Variants in DIAPH2 observed in about 807,000 individuals in gnomAD.
The protein encoded by DIAPH2 is diaphanous related formin 2, also known as protein diaphanous homolog 2.
Under a neutral mutation model 92.7 loss-of-function variants are expected in DIAPH2, and 35 were observed. That is an observed-to-expected ratio of 0.38 (90% CI 0.29 to 0.50). The LOEUF is 0.50. DIAPH2 is among the 20% of genes least tolerant of loss of function. The pLI is 0.94. For missense variants in DIAPH2, 701 were observed against 819.5 expected (o/e 0.86, Z 1.77); for synonymous variants, 301 against 280.4 (o/e 1.07, Z -0.73).
At chrX:96,938,979 T>G (rs1477322549) in intron 11 of DIAPH2, among the ~76,000 whole-genome samples, 12 of 111,676 alleles carry the variant, frequency 1.1e-4, no homozygotes, top group Non-Finnish European at 2.3e-4. Context: ...GTTCCAATGG[T>G]ACCAGCTATA....
At chrX:97,286,623 G>A (rs1157163179) in intron 23 of DIAPH2, among the ~76,000 whole-genome samples, 1 of 111,210 alleles carries the variant, frequency 9.0e-6, no homozygotes, top group Non-Finnish European at 1.9e-5. Context: ...GGCGGAGTAC[G>A]CCTGAACTCC....
intron 26 of DIAPH2, chrX:97,449,670 A>C: frequency 2.7e-6 from 2 of 751,297 alleles, no homozygotes; most frequent in Non-Finnish European, 3.1e-6. Flanking sequence ...AGGGAATTTC[A>C]TCTGACTAAA....
intron 4 of DIAPH2, among the ~76,000 whole-genome samples, chrX:96,800,739 C>T (rs1010955203): frequency 5.4e-5 from 6 of 111,777 alleles, no homozygotes; most frequent in African/African-American, 1.9e-4. Context: ...TTTAAAAAGG[C>T]AAAGAAATGA....
intron 1 of DIAPH2, among the ~76,000 whole-genome samples, chrX:96,697,631 C>T (rs754756901): frequency 7.2e-5 from 8 of 110,873 alleles, no homozygotes; most frequent in East Asian, 2.8e-4. Flanking sequence ...GGCAACAGAG[C>T]GAGACTCTGT....
intron 23 of DIAPH2, among the ~76,000 whole-genome samples, chrX:97,329,255 T>G (rs1460545775): frequency 1.8e-5 from 2 of 112,384 alleles, no homozygotes; most frequent in East Asian, 5.6e-4. Flanking sequence ...TTTTGGCACA[T>G]TTTGCTCTTA....
chrX:97,189,182 T>C (rs1162723426), intron 22 of DIAPH2, among the ~76,000 whole-genome samples: 1 of 111,349 alleles, frequency 9.0e-6, no homozygotes, highest in Non-Finnish European at 1.9e-5. Flanking sequence ...GTAAGCAAGT[T>C]CAAGAGATGA....
At chrX:97,095,768 A>G (rs144370584) in intron 19 of DIAPH2, among the ~76,000 whole-genome samples, 1 of 111,977 alleles carries the variant, frequency 8.9e-6, no homozygotes, top group African/African-American at 3.2e-5. Context: ...AGAAATGTAA[A>G]AAGTAGTTAA....
At chrX:96,899,316 GC>G (rs2065374197) in intron 5 of DIAPH2, among the ~76,000 whole-genome samples, 1 of 109,891 alleles carries the variant, frequency 9.1e-6, no homozygotes, top group African/African-American at 3.3e-5. Flanking sequence ...ATTACCTTGG[GC>G]AGTATGGCCA....
chrX:97,540,192 A>G (rs1477711728), intron 26 of DIAPH2, among the ~76,000 whole-genome samples: 2 of 112,222 alleles, frequency 1.8e-5, no homozygotes, highest in Non-Finnish European at 3.8e-5. Flanking sequence ...GGGATACAGA[A>G]TAGAAATATA....
chrX:97,268,714 A>G lies in DIAPH2; in HGVS notation c.2844+20875A>G, dbSNP rs142171085. ...AAACCTTTCAAGGTTATGGAAATCAATGCAGTAAATACTGCATATAAAATG... is the reference window on the plus strand; with the variant it reads ...AAACCTTTCAAGGTTATGGAAATCAGTGCAGTAAATACTGCATATAAAATG... On this transcript the variant is annotated intron_variant, in intron 23 of 26. Transcript: ENST00000324765. 2.9e-4 allele frequency among the ~76,000 whole-genome samples: 32 copies of G among 111,891 alleles called. No homozygotes were observed. In the East Asian group the frequency reaches 8.4e-3, roughly 29 times the overall value.
At chrX:97,185,379 A>ATATGTG (rs1789240568) in intron 22 of DIAPH2, among the ~76,000 whole-genome samples, 1 of 41,613 alleles carries the variant, frequency 2.4e-5, no homozygotes, top group African/African-American at 2.0e-4. Flanking sequence ...GTATATATAT[A>ATATGTG]TGTATATATA....
chrX:96,741,921 C>T (rs187651111), intron 3 of DIAPH2, among the ~76,000 whole-genome samples: 2 of 112,126 alleles, frequency 1.8e-5, no homozygotes, highest in Non-Finnish European at 3.8e-5. Flanking sequence ...TTTCAGTCTT[C>T]TTTGCTCATT....
At chrX:97,047,542 C>CTTTTTT (rs5903064) in intron 17 of DIAPH2, among the ~76,000 whole-genome samples, 2 of 30,101 alleles carry the variant, frequency 6.6e-5, no homozygotes, top group Admixed American at 4.6e-4. Context: ...ATAAAATAGG[C>CTTTTTT]TTTTTTTTTT....
At position 96,962,301 on chromosome X, in the gene DIAPH2, A is replaced by T. The variant is rs1224034363; in HGVS notation, c.1936-2792A>T. On this transcript the variant is annotated intron_variant, in intron 16 of 26. Transcript: ENST00000324765. ...TATATATATACATATATATATATAC[A>T]TATATATATACATATATATATACAC... Among the ~76,000 whole-genome samples the T allele has an allele frequency of 2.3e-3, 97 of 43,043 alleles. 4 individuals carry two copies. The highest frequency in any genetic ancestry group is 7.6e-3 in the African/African-American group (93 of 12,274). The allele number at this position is 43,043 out of a possible 115,157, so 37.4% of individuals were successfully genotyped here. A position where few individuals can be genotyped will look rare whatever the true frequency, so the allele number is the denominator to read the frequency against.
At chrX:97,535,567 T>A (rs1232135505) in intron 26 of DIAPH2, among the ~76,000 whole-genome samples, 1 of 111,366 alleles carries the variant, frequency 9.0e-6, no homozygotes, top group Admixed American at 9.5e-5. Context: ...TTCTCCTGCC[T>A]CAGCCTCTCA....
intron 1 of DIAPH2, among the ~76,000 whole-genome samples, chrX:96,725,252 G>T: frequency 8.9e-6 from 1 of 112,037 alleles, no homozygotes; most frequent in East Asian, 2.8e-4. Flanking sequence ...TGTTGAGAAA[G>T]AATCTCTTAT....
intron 1 of DIAPH2, among the ~76,000 whole-genome samples, chrX:96,714,879 A>G (rs1003290300): frequency 6.3e-5 from 7 of 111,838 alleles, no homozygotes; most frequent in Non-Finnish European, 1.1e-4. Context: ...ACTTCATATC[A>G]GAAGAGACTA....
intron 22 of DIAPH2, among the ~76,000 whole-genome samples, chrX:97,158,344 T>C (rs2067340053): frequency 1.0e-5 from 1 of 97,960 alleles, no homozygotes; most frequent in African/African-American, 4.4e-5. Context: ...GGTTCTATTG[T>C]CTTGTCCAGA....
intron 24 of DIAPH2, among the ~76,000 whole-genome samples, chrX:97,351,540 G>T (rs922015014): frequency 2.7e-5 from 3 of 112,176 alleles, no homozygotes; most frequent in African/African-American, 9.7e-5. Context: ...TTAGGGCCCG[G>T]CGCGGTGGCT....
Sources: allele counts gnomAD v4.1 joint callset (sites outside exome capture counted in the v4.1 genomes callset), GRCh38; gene constraint gnomAD v4.1.1; transcripts MANE v1.5; gene names NCBI Gene and HGNC (gene_info 2026-07-23, HGNC 2026-07-21).